The following XPO1 variants were observed in gnomAD, a reference collection of about 807,000 sequenced individuals.
XPO1 encodes exportin-1.
In XPO1, 5 loss-of-function variants were observed where a neutral mutation model predicts 133.3. The observed-to-expected ratio is 0.04, with a 90% CI of 0.02 to 0.08. The LOEUF (loss-of-function observed/expected upper bound fraction) is 0.08, where lower values mean the gene tolerates loss of function less well. Among genes scored for constraint, XPO1 ranks in the 10% least tolerant of loss-of-function variants. The probability of loss-of-function intolerance (pLI) is 1.00; values close to 1 mark genes in which losing one functional copy is unlikely to be tolerated. For missense variants in XPO1, 506 were observed against 1,267.5 expected (o/e 0.40, Z 9.12); for synonymous variants, 419 against 408.2 (o/e 1.03, Z -0.32).
chr2:61,500,694 G>A (rs1409785836), intron 6 of XPO1, among the ~76,000 whole-genome samples: 1 of 152,060 alleles, frequency 6.6e-6, no homozygotes, highest in Non-Finnish European at 1.5e-5. Context: ...AGCTACTGGG[G>A]AGGCCAAGGC....
chr2:61,524,417 A>G (rs1253433192), intron 3 of XPO1, among the ~76,000 whole-genome samples: 1 of 152,172 alleles, frequency 6.6e-6, no homozygotes, highest in African/African-American at 2.4e-5. Flanking sequence ...TGTATTTTCT[A>G]CAACTGTATA....
chr2:61,479,654 C>T (rs968583295), intron 24 of XPO1, among the ~76,000 whole-genome samples: 1 of 152,124 alleles, frequency 6.6e-6, no homozygotes, highest in Non-Finnish European at 1.5e-5. Context: ...CAACCTCTTC[C>T]TCCAAGATGC....
At chr2:61,501,168 T>C (rs1037265900) in intron 6 of XPO1, among the ~76,000 whole-genome samples, 1 of 152,166 alleles carries the variant, frequency 6.6e-6, no homozygotes, top group Non-Finnish European at 1.5e-5. Flanking sequence ...AATTACTGAA[T>C]ACACTAAAAT....
At chr2:61,509,412 A>T (rs1697981287) in intron 4 of XPO1, among the ~76,000 whole-genome samples, 2 of 152,106 alleles carry the variant, frequency 1.3e-5, no homozygotes, top group African/African-American at 4.8e-5. Flanking sequence ...GGCTCACCTG[A>T]GGTTTGGAGT....
intron 24 of XPO1, 39 bp from the exon 25 acceptor site, chr2:61,479,005 T>C: frequency 3.1e-6 from 5 of 1,588,966 alleles, no homozygotes; most frequent in Non-Finnish European, 4.3e-6. Flanking sequence ...CGCAATAAAC[T>C]TCAACTTGCA....
chr2:61,502,962 TTTC>T (rs1429892653), intron 4 of XPO1, among the ~76,000 whole-genome samples: 1 of 90,632 alleles, frequency 1.1e-5, no homozygotes, highest in African/African-American at 5.6e-5. Context: ...ATGTGTTTCT[TTTC>T]TTTTTTTTTT....
rs1187748547 is a variant in XPO1, at chr2:61,501,639, C to T, written c.408+357G>A. Among the ~76,000 whole-genome samples the T allele has an allele frequency of 4.0e-5, 6 of 149,474 alleles. No homozygotes were observed. In the East Asian group the frequency reaches 1.0e-3, roughly 25 times the overall value. On this transcript the variant is annotated intron_variant, in intron 6 of 24. Coordinates refer to ENST00000401558, the MANE Select transcript of XPO1 (RefSeq NM_003400.4). Reference sequence around the variant, plus strand: ...TCAGGAGGCTGAGGCAGAACAATCGCTTGAACCCGGGTAGCAGAGGCTGCA... The same window carrying T: ...TCAGGAGGCTGAGGCAGAACAATCGTTTGAACCCGGGTAGCAGAGGCTGCA...
Position 61,490,785 on chromosome 2 carries a change from A to C in XPO1, c.1888-9T>G, listed in dbSNP as rs752224224. On this transcript the variant is annotated splice_polypyrimidine_tract_variant and intron_variant, in intron 16 of 24. Coordinates refer to ENST00000401558, the MANE Select transcript of XPO1 (RefSeq NM_003400.4). ...TCATAAAACGTATGAACCTATTTTA[A>C]AAAGCAGACATTTTAACGTTTATGT... 1 of 1,609,864 alleles carries C rather than the reference A, an allele frequency of 6.2e-7. No individual in the cohort carries two copies. The highest frequency in any genetic ancestry group is 8.5e-7 in the Non-Finnish European group (1 of 1,178,662).
In XPO1 at chr2:61,526,405, C is replaced by G; in HGVS notation, c.228+15G>C. On this transcript the variant is annotated intron_variant, in intron 3 of 24. Coordinates refer to ENST00000401558, the MANE Select transcript of XPO1 (RefSeq NM_003400.4). ...AGAAAAGAAATAACAGATTTTAAAA[C>G]CACCACTTGCTTACTTTCGTATTCA... 6.3e-7 allele frequency: 1 copy of G among 1,599,312 alleles called. No homozygotes were observed. The highest frequency in any genetic ancestry group is 8.5e-7 in the Non-Finnish European group (1 of 1,175,994).
At chr2:61,490,981 C>T (rs922401609) in intron 16 of XPO1, among the ~76,000 whole-genome samples, 1 of 152,092 alleles carries the variant, frequency 6.6e-6, no homozygotes, top group Non-Finnish European at 1.5e-5. Flanking sequence ...GTGGTGAAAC[C>T]CCATCTCTTC....
At chr2:61,513,294 C>T (rs906531046) in intron 4 of XPO1, among the ~76,000 whole-genome samples, 1 of 151,940 alleles carries the variant, frequency 6.6e-6, no homozygotes, top group Non-Finnish European at 1.5e-5. Context: ...CTACTGTGCC[C>T]AGCCAAATCA....
intron 24 of XPO1, among the ~76,000 whole-genome samples, 175 bp downstream of exon 24, chr2:61,481,008 TTA>T (rs1411886198): frequency 6.6e-6 from 1 of 152,226 alleles, no homozygotes; most frequent in Non-Finnish European, 1.5e-5. Context: ...TTATTGGACT[TTA>T]GTTTTTCACT....
chr2:61,490,589 ACACGT>A, intron 17 of XPO1, 48 bp downstream of exon 17: 1 of 1,609,976 alleles, frequency 6.2e-7, no homozygotes, highest in Non-Finnish European at 8.5e-7. Context: ...TTTGTAAAGA[ACACGT>A]CTTGTTAAAT....
intron 3 of XPO1, among the ~76,000 whole-genome samples, chr2:61,524,269 TAC>T (rs1297673851): frequency 6.6e-6 from 1 of 152,192 alleles, no homozygotes; most frequent in African/African-American, 2.4e-5. Flanking sequence ...TAAATATAGT[TAC>T]AAATAAAAAT....
chr2:61,511,102 C>T (rs1019079318), intron 4 of XPO1, among the ~76,000 whole-genome samples: 9 of 152,008 alleles, frequency 5.9e-5, no homozygotes, highest in African/African-American at 2.2e-4. Flanking sequence ...CAATCATATA[C>T]AATGTGCCTG....
At chr2:61,515,294 A>G (rs1178349914) in intron 4 of XPO1, among the ~76,000 whole-genome samples, 1 of 152,216 alleles carries the variant, frequency 6.6e-6, no homozygotes, top group Non-Finnish European at 1.5e-5. Flanking sequence ...TCAAAGGCCA[A>G]TATCAATTAA....
At chr2:61,483,158 C>G (rs780077589) in intron 21 of XPO1, 67 bp from the exon 22 acceptor site, 5 of 1,512,364 alleles carry the variant, frequency 3.3e-6, no homozygotes, top group South Asian at 1.3e-5. Flanking sequence ...GTATTTAGCT[C>G]TTATCAAAGT....
At chr2:61,527,409 G>C (rs1363875851) in intron 2 of XPO1, among the ~76,000 whole-genome samples, 1 of 151,560 alleles carries the variant, frequency 6.6e-6, no homozygotes, top group Non-Finnish European at 1.5e-5. Flanking sequence ...GATCACTTGA[G>C]CCCTGGAAAT....
rs1696789289 is a variant in XPO1 at position 61,488,183 on chromosome 2, T to C, written c.2295A>G (p.Arg765=). Reference sequence around the variant, plus strand: ...CACTTACCATCTGTGGATCATTGGATCGGCTCACCCAACCAGATATTAACT... The same window carrying C: ...CACTTACCATCTGTGGATCATTGGACCGGCTCACCCAACCAGATATTAACT... ...TLKLISGWVS[R]SNDPQMVAEN... is the part of the protein sequence containing the mutation. Residue 765 remains arginine (R), a synonymous_variant, in exon 19 of 25, where the codon CGA becomes CGG. Transcript: ENST00000401558. 1 of 1,613,966 alleles carries C rather than the reference T, an allele frequency of 6.2e-7. No homozygotes were observed.
Sources: allele counts gnomAD v4.1 joint callset (sites outside exome capture counted in the v4.1 genomes callset), GRCh38; gene constraint gnomAD v4.1.1; transcripts MANE v1.5; gene names NCBI Gene and HGNC (gene_info 2026-07-23, HGNC 2026-07-21).